The following DROSHA variants were observed in gnomAD, a reference collection of about 807,000 sequenced individuals.
The protein encoded by DROSHA is ribonuclease 3.
DROSHA carries 56 observed loss-of-function variants against 181.9 expected under a neutral mutation model. That is an observed-to-expected ratio of 0.31 (90% CI 0.25 to 0.38). The LOEUF is 0.38. Among genes scored for constraint, DROSHA ranks in the 10% least tolerant of loss-of-function variants. DROSHA has a pLI of 1.00. For synonymous variants in DROSHA, 524 were observed against 591.2 expected, an observed-to-expected ratio of 0.89 and a Z score of 1.65; for missense variants, 1,218 against 1,743.5, an observed-to-expected ratio of 0.70 and a Z score of 5.37.
intron 20 of DROSHA, among the ~76,000 whole-genome samples, chr5:31,458,169 C>A (rs1747886949): frequency 6.6e-6 from 1 of 152,186 alleles, no homozygotes; most frequent in South Asian, 2.1e-4. Context: ...TCCCAATAAA[C>A]CTATCATAAA....
intron 28 of DROSHA, chr5:31,423,339 A>G (rs1743008397): frequency 6.5e-6 from 1 of 154,752 alleles, no homozygotes; most frequent in Admixed American, 6.4e-5. Flanking sequence ...TGCCCCCAAG[A>G]TTACTGATTT....
chr5:31,406,841 C>G lies in DROSHA; in HGVS notation c.3947+12G>C. The G allele has an allele frequency of 6.2e-7, 1 of 1,610,034 alleles. No individual in the cohort carries two copies. Among genetic ancestry groups the G allele is most frequent in the Non-Finnish European group, 8.5e-7 (1 of 1,176,732 alleles). On this transcript the variant is annotated intron_variant, in intron 34 of 35. Coordinates refer to ENST00000344624, the MANE Select transcript of DROSHA (RefSeq NM_001382508.1). Reference sequence around the variant, plus strand: ...TTCATTCAAAGCAATTCCAGGTATTCTCTTCTCATACCTTGGTCCTTTCCC... The same window carrying G: ...TTCATTCAAAGCAATTCCAGGTATTGTCTTCTCATACCTTGGTCCTTTCCC...
chr5:31,495,795 G>A (rs1480740283), intron 11 of DROSHA, among the ~76,000 whole-genome samples: 1 of 152,204 alleles, frequency 6.6e-6, no homozygotes, highest in African/African-American at 2.4e-5. Flanking sequence ...TTGTAAGGAG[G>A]GTCTGAAGGA....
At chr5:31,426,902 T>C (rs1743539774) in intron 27 of DROSHA, among the ~76,000 whole-genome samples, 1 of 151,900 alleles carries the variant, frequency 6.6e-6, no homozygotes. Flanking sequence ...AGGACAAAAA[T>C]GAAAGCAGTA....
intron 20 of DROSHA, among the ~76,000 whole-genome samples, chr5:31,454,663 C>T (rs922861559): frequency 7.2e-5 from 11 of 151,834 alleles, no homozygotes; most frequent in Admixed American, 2.0e-4. Context: ...TCCAGAGGCC[C>T]GGCACAGTGG....
chr5:31,407,900 T>A (rs1379722339), intron 33 of DROSHA, among the ~76,000 whole-genome samples: 1 of 152,324 alleles, frequency 6.6e-6, no homozygotes, highest in East Asian at 1.9e-4. Context: ...GAGCCTTTCA[T>A]AGAATACAGT....
intron 17 of DROSHA, among the ~76,000 whole-genome samples, chr5:31,468,860 T>C (rs1360973976): frequency 6.6e-6 from 1 of 152,172 alleles, no homozygotes; most frequent in Non-Finnish European, 1.5e-5. Context: ...CTGTTAAAAC[T>C]GATTCACACA....
At chr5:31,431,382 AAAAAAAAG>A (rs1354651082) in intron 26 of DROSHA, among the ~76,000 whole-genome samples, 186 bp downstream of exon 26, 1 of 150,778 alleles carries the variant, frequency 6.6e-6, no homozygotes, top group African/African-American at 2.4e-5. Context: ...AAAAAAAAAA[AAAAAAAAG>A]AGGCATGTTC....
At chr5:31,472,275 T>A in intron 16 of DROSHA, 43 bp from the exon 17 acceptor site, 1 of 1,529,100 alleles carries the variant, frequency 6.5e-7, no homozygotes, top group Non-Finnish European at 8.8e-7. Flanking sequence ...AAAATAAGGC[T>A]ACTCAACTTA....
chr5:31,410,824 G>A lies in DROSHA; in HGVS notation c.3589C>T (p.Gln1197Ter), dbSNP rs1289997268. The change falls in exon 31 of 36, where the codon CAG (glutamine) becomes TAG (stop). Residue 1197 changes from glutamine (Q) to a stop codon, truncating the protein, a stop_gained. Coordinates refer to ENST00000344624, the MANE Select transcript of DROSHA (RefSeq NM_001382508.1). LOFTEE classifies it high-confidence loss of function. ...TTGTCGTTGGTTATGGCGTACTCCT[G>A]CATGCCCAGCTCCTCCGCTACCTTG... is the stretch of plus-strand genomic sequence containing the variant. The part of the protein sequence containing the change: ...QAKVAEELGM[Q>*]EYAITNDKTK... The A allele has an allele frequency of 6.2e-7, 1 of 1,613,858 alleles. No homozygotes were observed. The highest frequency in any genetic ancestry group is 1.3e-5 in the African/African-American group (1 of 74,938).
chr5:31,473,121 T>C (rs989527910), intron 16 of DROSHA, among the ~76,000 whole-genome samples: 3 of 152,156 alleles, frequency 2.0e-5, no homozygotes, highest in African/African-American at 7.2e-5. Flanking sequence ...GGTTATGAGA[T>C]AGGCTATGAA....
chr5:31,531,717 C>T (rs765182400), intron 1 of DROSHA, among the ~76,000 whole-genome samples, 192 bp from the exon 2 acceptor site: 2 of 152,208 alleles, frequency 1.3e-5, no homozygotes, highest in Non-Finnish European at 2.9e-5. Flanking sequence ...AGGCGCTGAG[C>T]TCAGGATCTC....
At chr5:31,479,026 T>C (rs895548468) in intron 16 of DROSHA, among the ~76,000 whole-genome samples, 2 of 152,140 alleles carry the variant, frequency 1.3e-5, no homozygotes, top group African/African-American at 2.4e-5. Context: ...TTTGTCACCA[T>C]AGGAATTATA....
intron 11 of DROSHA, among the ~76,000 whole-genome samples, chr5:31,503,875 T>C (rs1580324792): frequency 1.3e-5 from 2 of 152,346 alleles, no homozygotes; most frequent in South Asian, 4.1e-4. Flanking sequence ...TTTATTCCCA[T>C]TATTGTTGAG....
chr5:31,436,175 A>C (rs1744759525), intron 24 of DROSHA, among the ~76,000 whole-genome samples: 1 of 152,206 alleles, frequency 6.6e-6, no homozygotes. Flanking sequence ...ATTAATACTA[A>C]AAATTGGGAG....
intron 20 of DROSHA, among the ~76,000 whole-genome samples, chr5:31,461,732 T>A (rs1748423522): frequency 6.7e-6 from 1 of 149,916 alleles, no homozygotes. Flanking sequence ...CGTTTTCCCC[T>A]AAATCATATT....
At chr5:31,404,372 T>C (rs1740399349) in intron 35 of DROSHA, among the ~76,000 whole-genome samples, 1 of 152,172 alleles carries the variant, frequency 6.6e-6, no homozygotes, top group Non-Finnish European at 1.5e-5. Flanking sequence ...CAGTGAAGAA[T>C]CCATGGATGC....
intron 25 of DROSHA, among the ~76,000 whole-genome samples, chr5:31,434,915 A>G (rs1419925727): frequency 6.6e-6 from 1 of 152,248 alleles, no homozygotes; most frequent in African/African-American, 2.4e-5. Context: ...AAAATTATTA[A>G]CATCTTTGTG....
chr5:31,497,907 G>A (rs1375386056), intron 11 of DROSHA, among the ~76,000 whole-genome samples: 3 of 152,194 alleles, frequency 2.0e-5, no homozygotes, highest in East Asian at 1.9e-4. Flanking sequence ...AACAGCAGAC[G>A]CAGGCCAGAT....
Sources: allele counts gnomAD v4.1 joint callset (sites outside exome capture counted in the v4.1 genomes callset), GRCh38; gene constraint gnomAD v4.1.1; transcripts MANE v1.5; gene names NCBI Gene and HGNC (gene_info 2026-07-23, HGNC 2026-07-21).